The following TGM5 variants were observed in gnomAD, a reference collection of about 807,000 sequenced individuals.
The protein encoded by TGM5 is protein-glutamine gamma-glutamyltransferase 5.
TGM5 carries 69 observed loss-of-function variants against 77.2 expected under a neutral mutation model. The ratio of observed to expected loss-of-function variants is 0.89; its 90% CI spans 0.74 to 1.09. The LOEUF is 1.09. TGM5 is among the 50% of genes least tolerant of loss of function. The pLI is 0.00. For synonymous variants in TGM5, 346 were observed against 351.8 expected (o/e 0.98, Z 0.18); for missense variants, 842 against 896.5 (o/e 0.94, Z 0.78).
chr15:43,251,508 C>T (rs2042703349), intron 6 of TGM5, among the ~76,000 whole-genome samples: 1 of 152,220 alleles, frequency 6.6e-6, no homozygotes, highest in South Asian at 2.1e-4. Context: ...AAACACCAAG[C>T]TATGGGCAGA....
In TGM5 at chr15:43,259,184, C is replaced by G. The variant is rs565245883; in HGVS notation, c.436+868G>C. Reference sequence around the variant, plus strand: ...CAGACCCGTTCTCTACTCCTGACCCCTTCTGCCCACACCATGTCCTTGTGT... The same window carrying G: ...CAGACCCGTTCTCTACTCCTGACCCGTTCTGCCCACACCATGTCCTTGTGT... On this transcript the variant is annotated intron_variant, in intron 3 of 12. Coordinates refer to ENST00000220420, the MANE Select transcript of TGM5 (RefSeq NM_201631.4). Among the ~76,000 whole-genome samples the G allele has an allele frequency of 2.6e-5, 4 of 152,262 alleles. No homozygotes were observed. In the East Asian group the frequency reaches 5.8e-4, roughly 22 times the overall value.
intron 1 of TGM5, among the ~76,000 whole-genome samples, chr15:43,262,472 T>C (rs2042796142): frequency 6.6e-6 from 1 of 152,194 alleles, no homozygotes; most frequent in African/African-American, 2.4e-5. Flanking sequence ...ATGATAAAAA[T>C]ATTCAACAAA....
Position 43,260,617 on chromosome 15 carries a change from G to C in TGM5, c.11-38C>G, listed in dbSNP as rs1468535708. On this transcript the variant is annotated intron_variant, in intron 1 of 12. Coordinates refer to ENST00000220420, the MANE Select transcript of TGM5 (RefSeq NM_201631.4). ...AGCCAGGGTTAGACAAAATAGTGGGGTTGTGGAGCCAATCCTGTCCACCAC... is the reference window on the plus strand; with the variant it reads ...AGCCAGGGTTAGACAAAATAGTGGGCTTGTGGAGCCAATCCTGTCCACCAC... The C allele has an allele frequency of 1.9e-6, 3 of 1,611,218 alleles. No individual in the cohort carries two copies. The Admixed American group carries it at 5.0e-5, about 27-fold the overall frequency.
chr15:43,261,030 G>C (rs796365780), intron 1 of TGM5, among the ~76,000 whole-genome samples: 1 of 147,806 alleles, frequency 6.8e-6, no homozygotes, highest in African/African-American at 2.5e-5. Context: ...TAGTTGCCCT[G>C]GGTTTAACTC....
chr15:43,263,841 G>C (rs1247470937), intron 1 of TGM5, among the ~76,000 whole-genome samples: 2 of 152,184 alleles, frequency 1.3e-5, no homozygotes, highest in Non-Finnish European at 2.9e-5. Flanking sequence ...ATAACTTTTT[G>C]TCTTCAAGAA....
chr15:43,251,367 C>T (rs2042702038), intron 6 of TGM5, among the ~76,000 whole-genome samples: 1 of 152,098 alleles, frequency 6.6e-6, no homozygotes, highest in South Asian at 2.1e-4. Context: ...ATGCCTGGGG[C>T]TCTCTGAGCT....
Sources: gnomAD v4.1 joint callset for allele counts (sites outside exome capture counted in the v4.1 genomes callset) on GRCh38, gnomAD v4.1.1 for gene constraint, MANE v1.5 for transcripts, NCBI Gene and HGNC (gene_info 2026-07-23, HGNC 2026-07-21) for gene names.